COL22A1: variants seen among roughly 807,000 people sequenced by gnomAD.
The protein encoded by COL22A1 is collagen type XXII alpha 1 chain, also known as collagen alpha-1(XXII) chain.
In COL22A1, 221 loss-of-function variants were observed where a neutral mutation model predicts 248.9. The observed-to-expected ratio is 0.89, with a 90% CI of 0.80 to 0.99. The LOEUF (loss-of-function observed/expected upper bound fraction) is 0.99. COL22A1 is among the 50% of genes least tolerant of loss of function. The pLI, the probability that COL22A1 is intolerant of heterozygous loss-of-function variation, is 0.00. For missense variants in COL22A1, 2,240 were observed against 2,179.0 expected, an observed-to-expected ratio of 1.03 and a Z score of -0.56; for synonymous variants, 891 against 793.4, an observed-to-expected ratio of 1.12 and a Z score of -2.07.
chr8:138,716,290 C>G lies in COL22A1; in HGVS notation c.2401-1G>C, dbSNP rs1386411429. 1.9e-6 allele frequency: 3 copies of G among 1,583,634 alleles called. No individual in the cohort carries two copies. Among genetic ancestry groups the G allele is most frequent in the South Asian group, 1.2e-5 (1 of 86,696 alleles). Reference sequence around the variant, plus strand: ...GAGCCCCTGGGAGGCCTGCTTCTCCCTGTGAGAACAAAATATTCACAAGGC... The same window carrying G: ...GAGCCCCTGGGAGGCCTGCTTCTCCGTGTGAGAACAAAATATTCACAAGGC... On this transcript the variant is annotated splice_acceptor_variant, in intron 28 of 64. Transcript: ENST00000303045. LOFTEE classifies it high-confidence loss of function.
chr8:138,645,372 C>T lies in COL22A1; in HGVS notation c.3501+1257G>A, dbSNP rs76382476. Among the ~76,000 whole-genome samples, 294 of 152,276 alleles carry T rather than the reference C, an allele frequency of 1.9e-3. 11 individuals are homozygous for T. In the East Asian group the frequency reaches 0.046, roughly 24 times the overall value. On this transcript the variant is annotated intron_variant, in intron 47 of 64. Transcript: ENST00000303045. ...TGCTATCTCATCCCTGCGAGCAGCC[C>T]GCCCTGAATCCTCTCTCTCTCAGGC... is the stretch of plus-strand genomic sequence containing the variant.
intron 4 of COL22A1, among the ~76,000 whole-genome samples, chr8:138,839,515 G>T (rs1820708169): frequency 6.6e-6 from 1 of 152,168 alleles, no homozygotes; most frequent in Non-Finnish European, 1.5e-5. Context: ...GTAGGTAAAG[G>T]TACAATGCAC....
At chr8:138,820,813 C>T (rs1476840661) in intron 7 of COL22A1, among the ~76,000 whole-genome samples, 2 of 152,200 alleles carry the variant, frequency 1.3e-5, no homozygotes, top group Non-Finnish European at 2.9e-5. Context: ...GCGGCCAGAT[C>T]CATGTCAGTC....
intron 47 of COL22A1, among the ~76,000 whole-genome samples, chr8:138,637,095 T>C (rs1310893106): frequency 6.6e-6 from 1 of 152,092 alleles, no homozygotes; most frequent in Admixed American, 6.5e-5. Flanking sequence ...CATCTGATGT[T>C]AGATTTAGTT....
At chr8:138,784,709 A>C (rs1815357768) in intron 12 of COL22A1, among the ~76,000 whole-genome samples, 2 of 152,198 alleles carry the variant, frequency 1.3e-5, no homozygotes, top group Admixed American at 1.3e-4. Flanking sequence ...CCAGGCACTG[A>C]GCACTTTACA....
chr8:138,690,320 C>G (rs1009903562), intron 36 of COL22A1, among the ~76,000 whole-genome samples: 1 of 152,066 alleles, frequency 6.6e-6, no homozygotes, highest in Non-Finnish European at 1.5e-5. Context: ...CCTTGGGCCT[C>G]GACATGGAAA....
rs555211415 is a variant in COL22A1, at chr8:138,911,558, A to G, written c.-73+2061T>C. Among the ~76,000 whole-genome samples, 7 of 152,288 alleles carry G rather than the reference A, an allele frequency of 4.6e-5. No homozygotes were observed. In the South Asian group the frequency reaches 1.0e-3, roughly 23 times the overall value. Reference sequence around the variant, plus strand: ...TGACCAGAGGGCACATGCCTTGTCTAAAGGGGATGGCTAATCCTCACCCCA... The same window carrying G: ...TGACCAGAGGGCACATGCCTTGTCTGAAGGGGATGGCTAATCCTCACCCCA... On this transcript the variant is annotated intron_variant, in intron 1 of 64. Transcript: ENST00000303045.
At chr8:138,597,080 G>A (rs1291645931) in intron 61 of COL22A1, 110 bp from the exon 62 acceptor site, 4 of 786,080 alleles carry the variant, frequency 5.1e-6, no homozygotes, top group Non-Finnish European at 6.5e-6. Context: ...TACCCACACA[G>A]GGAAGCACAT....
chr8:138,884,887 G>A (rs76905648), intron 1 of COL22A1, among the ~76,000 whole-genome samples: 6 of 114,194 alleles, frequency 5.3e-5, no homozygotes, highest in South Asian at 2.7e-4. Flanking sequence ...GGAATCAGAA[G>A]AGAAGCTCCA....
chr8:138,769,086 T>C (rs1834146392), intron 16 of COL22A1, among the ~76,000 whole-genome samples: 2 of 152,282 alleles, frequency 1.3e-5, no homozygotes, highest in South Asian at 4.2e-4. Flanking sequence ...TCCTCTCTCC[T>C]GACACGTAGG....
intron 44 of COL22A1, among the ~76,000 whole-genome samples, chr8:138,657,667 T>TCTG (rs1295917536): frequency 2.3e-4 from 35 of 152,350 alleles, no homozygotes; most frequent in East Asian, 5.8e-4. Flanking sequence ...GACTGCCGTC[T>TCTG]CTGCCTTCTA....
chr8:138,602,278 T>G, intron 59 of COL22A1, 119 bp from the exon 60 acceptor site: 35 of 925,358 alleles, frequency 3.8e-5, no homozygotes, highest in East Asian at 8.9e-5. Flanking sequence ...AAAGATAAGG[T>G]CCCCCGAGGG....
chr8:138,908,736 G>C (rs1447562043), intron 1 of COL22A1, among the ~76,000 whole-genome samples: 1 of 152,076 alleles, frequency 6.6e-6, no homozygotes, highest in African/African-American at 2.4e-5. Flanking sequence ...ATGGGGTCAG[G>C]GGGCATATTA....
intron 1 of COL22A1, among the ~76,000 whole-genome samples, chr8:138,891,902 A>G (rs1825098494): frequency 6.6e-6 from 1 of 152,224 alleles, no homozygotes; most frequent in Non-Finnish European, 1.5e-5. Flanking sequence ...GGGAGGGAAG[A>G]GCATGGCTTT....
chr8:138,851,775 G>A (rs1354394070), intron 3 of COL22A1, among the ~76,000 whole-genome samples: 1 of 152,144 alleles, frequency 6.6e-6, no homozygotes, highest in Non-Finnish European at 1.5e-5. Context: ...TGAACACCCA[G>A]TATGCACCTG....
At chr8:138,905,504 C>G (rs1345318598) in intron 1 of COL22A1, among the ~76,000 whole-genome samples, 2 of 152,124 alleles carry the variant, frequency 1.3e-5, no homozygotes, top group African/African-American at 4.8e-5. Flanking sequence ...CTCAGGCAAC[C>G]AGGCTGTTTA....
At chr8:138,613,623 C>G (rs528635714) in intron 56 of COL22A1, among the ~76,000 whole-genome samples, 18 of 151,836 alleles carry the variant, frequency 1.2e-4, no homozygotes, top group African/African-American at 3.6e-4. Flanking sequence ...CTATAGAGCT[C>G]CAGCAGTGCC....
intron 3 of COL22A1, among the ~76,000 whole-genome samples, chr8:138,851,662 T>C (rs1396420839): frequency 2.0e-5 from 3 of 152,010 alleles, no homozygotes; most frequent in African/African-American, 7.2e-5. Flanking sequence ...GGGGAGGAGA[T>C]GGAGGCGCAA....
chr8:138,736,411 G>T (rs1049744260), intron 23 of COL22A1, among the ~76,000 whole-genome samples: 3 of 151,982 alleles, frequency 2.0e-5, no homozygotes, highest in African/African-American at 7.3e-5. Flanking sequence ...TGGTGATGCT[G>T]CATTTGAAAA....
Sources: gnomAD v4.1 joint callset for allele counts (sites outside exome capture counted in the v4.1 genomes callset) on GRCh38, gnomAD v4.1.1 for gene constraint, MANE v1.5 for transcripts, NCBI Gene and HGNC (gene_info 2026-07-23, HGNC 2026-07-21) for gene names.